CACNA1A: variants seen among roughly 807,000 people sequenced by gnomAD.
The protein encoded by CACNA1A is voltage-dependent P/Q-type calcium channel subunit alpha-1A.
CACNA1A carries 57 observed loss-of-function variants against 262.4 expected under a neutral mutation model. That is an observed-to-expected ratio of 0.22 (90% CI 0.18 to 0.27). The LOEUF (loss-of-function observed/expected upper bound fraction) is 0.27. Ranked by LOEUF, CACNA1A falls within the 10% of genes least tolerant of loss-of-function variation. CACNA1A has a pLI of 1.00. For missense variants in CACNA1A, 2,526 were observed against 3,562.8 expected (o/e 0.71, Z 7.41); for synonymous variants, 1,431 against 1,419.3 (o/e 1.01, Z -0.18).
At chr19:13,360,880 T>C (rs1360832304) in intron 5 of CACNA1A, among the ~76,000 whole-genome samples, 1 of 152,240 alleles carries the variant, frequency 6.6e-6, no homozygotes, top group African/African-American at 2.4e-5. Context: ...TTTTTGTTAC[T>C]GATTTCCAGC....
intron 1 of CACNA1A, among the ~76,000 whole-genome samples, chr19:13,468,133 A>G (rs990712946): frequency 1.3e-5 from 2 of 152,220 alleles, no homozygotes; most frequent in Non-Finnish European, 1.5e-5. Flanking sequence ...ATGAAAACAG[A>G]AAGAAAAAAC....
At chr19:13,410,408 T>C (rs1184215121) in intron 3 of CACNA1A, among the ~76,000 whole-genome samples, 1 of 152,040 alleles carries the variant, frequency 6.6e-6, no homozygotes, top group Non-Finnish European at 1.5e-5. Flanking sequence ...AAAAAAATTT[T>C]TTTTGTAGAG....
intron 6 of CACNA1A, among the ~76,000 whole-genome samples, chr19:13,356,369 C>T (rs2059007840): frequency 6.6e-6 from 1 of 152,134 alleles, no homozygotes; most frequent in Non-Finnish European, 1.5e-5. Context: ...CACAGAGAGG[C>T]CAAGCACCTT....
At chr19:13,351,811 TA>T (rs869102064) in intron 6 of CACNA1A, among the ~76,000 whole-genome samples, 1 of 149,284 alleles carries the variant, frequency 6.7e-6, no homozygotes, top group Non-Finnish European at 1.5e-5. Context: ...TCTGGCTAAT[TA>T]AAAAAAAAAA....
chr19:13,394,845 C>T (rs1037882493), intron 3 of CACNA1A, among the ~76,000 whole-genome samples: 1 of 152,190 alleles, frequency 6.6e-6, no homozygotes, highest in African/African-American at 2.4e-5. Flanking sequence ...GGGCTAGCCA[C>T]AAAAACTAGA....
chr19:13,339,876 A>G (rs1394117378), intron 6 of CACNA1A, among the ~76,000 whole-genome samples: 3 of 152,112 alleles, frequency 2.0e-5, no homozygotes, highest in Admixed American at 6.5e-5. Context: ...ACCAGCCCAC[A>G]TCCTTGTTTT....
At chr19:13,230,819 AAAAG>A (rs1007422637) in intron 35 of CACNA1A, among the ~76,000 whole-genome samples, 8 of 151,752 alleles carry the variant, frequency 5.3e-5, no homozygotes, top group East Asian at 1.9e-4. Flanking sequence ...AGAAAAAAAA[AAAAG>A]AGAGAGAGAG....
At chr19:13,350,811 G>A (rs556869823) in intron 6 of CACNA1A, among the ~76,000 whole-genome samples, 10 of 152,246 alleles carry the variant, frequency 6.6e-5, no homozygotes, top group Non-Finnish European at 8.8e-5. Context: ...CGAGGACAGC[G>A]TGGGCAATGT....
chr19:13,325,077 T>TTCTTCC lies in CACNA1A; in HGVS notation c.1345+5161_1345+5166dup, dbSNP rs1359211266. On this transcript the variant is annotated intron_variant, in intron 10 of 46. Coordinates refer to ENST00000360228, the MANE Select transcript of CACNA1A (RefSeq NM_001127222.2). ...CCCCTTCCCCTTCCTCCTCCTCTTC[T>TTCTTCC]TCTTCCCCTTCCCCTTCCTCCTCTT... Among the ~76,000 whole-genome samples, 995 of 123,472 alleles carry TTCTTCC rather than the reference T, an allele frequency of 8.1e-3. 2 individuals carry two copies. The highest frequency in any genetic ancestry group is 0.023 in the African/African-American group (768 of 32,964). 81.0% of individuals were successfully genotyped at this position (123,472 alleles called of 152,430 possible). A position where few individuals can be genotyped will look rare whatever the true frequency, so the allele number is the denominator to read the frequency against.
chr19:13,227,621 A>C (rs1326277215), intron 36 of CACNA1A, 94 bp from the exon 37 acceptor site: 1 of 506,488 alleles, frequency 2.0e-6, no homozygotes, highest in Non-Finnish European at 3.4e-6. Flanking sequence ...GTGGGGAGAA[A>C]CAGAAGAAAG....
In CACNA1A at chr19:13,452,915, T is replaced by C. The variant is rs755354093; in HGVS notation, c.500A>G (p.Asn167Ser). 1.2e-6 allele frequency: 2 copies of C among 1,613,910 alleles called. No individual in the cohort carries two copies. Among genetic ancestry groups the C allele is most frequent in the Non-Finnish European group, 1.7e-6 (2 of 1,179,804 alleles). Residue 167 changes from asparagine to serine, a missense_variant, in exon 3 of 47, where the codon AAT (asparagine) becomes AGT (serine). This residue lies in a region of CACNA1A where 77 missense variants were observed against 228.4 expected (regional missense o/e 0.34). Transcript: ENST00000360228. ...FAFHKGSYLR[N>S]GWNVMDFVVV... is the part of the protein sequence containing the mutation. ...CACAAAGTCCATGACATTCCAGCCA[T>C]TCCTCAAGTAGGAGCCTTTGTGGAA...
intron 6 of CACNA1A, among the ~76,000 whole-genome samples, chr19:13,341,001 G>T (rs1399463519): frequency 6.6e-6 from 1 of 152,200 alleles, no homozygotes; most frequent in Non-Finnish European, 1.5e-5. Context: ...GAGGCCAGGA[G>T]TTTGAGGCTG....
intron 3 of CACNA1A, among the ~76,000 whole-genome samples, chr19:13,437,691 C>CAAAAAAAAAAA (rs35266881): frequency 6.6e-4 from 43 of 64,818 alleles, no homozygotes; most frequent in Non-Finnish European, 9.6e-4. Flanking sequence ...AACCCCATCT[C>CAAAAAAAAAAA]AAAAAAAAAA....
In CACNA1A at chr19:13,236,271, C is replaced by T. The variant is rs2055870977; in HGVS notation, c.4951-541G>A. 1.3e-5 allele frequency among the ~76,000 whole-genome samples: 2 copies of T among 152,190 alleles called. No homozygotes were observed. The highest frequency in any genetic ancestry group is 2.1e-4 in the South Asian group (1 of 4,812). ...AGGCCTGGTGGACATGTGCGGGTTCCGAGGGCATGTTACGCTCCGGGCCAG... is the reference window on the plus strand; with the variant it reads ...AGGCCTGGTGGACATGTGCGGGTTCTGAGGGCATGTTACGCTCCGGGCCAG... On this transcript the variant is annotated intron_variant, in intron 31 of 46. Transcript: ENST00000360228. The surrounding 1 kb of genome is among the most constrained non-coding windows in gnomAD (Gnocchi z 4.6).
chr19:13,488,796 T>C (rs144891983), intron 1 of CACNA1A, among the ~76,000 whole-genome samples: 21 of 151,676 alleles, frequency 1.4e-4, no homozygotes, highest in Non-Finnish European at 2.5e-4. Context: ...AGGTCTGGGG[T>C]AGGGGATGAG....
chr19:13,371,458 TAG>T, intron 4 of CACNA1A: 1 of 533,136 alleles, frequency 1.9e-6, no homozygotes, highest in Non-Finnish European at 3.4e-6. Context: ...TGGCTCCCGA[TAG>T]ACAGTAGGTG....
intron 36 of CACNA1A, among the ~76,000 whole-genome samples, chr19:13,228,235 C>T (rs1257049430): frequency 6.6e-6 from 1 of 150,886 alleles, no homozygotes; most frequent in African/African-American, 2.4e-5. Flanking sequence ...AGTTGGGTCA[C>T]GTTCTCTGGT....
At chr19:13,368,858 G>A (rs1421981524) in intron 4 of CACNA1A, among the ~76,000 whole-genome samples, 1 of 137,544 alleles carries the variant, frequency 7.3e-6, no homozygotes, top group East Asian at 2.2e-4. Flanking sequence ...CTAACACGGT[G>A]AAACCCCGTC....
intron 3 of CACNA1A, among the ~76,000 whole-genome samples, chr19:13,410,595 G>C (rs1005504362): frequency 7.1e-6 from 1 of 141,550 alleles, no homozygotes; most frequent in Non-Finnish European, 1.5e-5. Context: ...TCCCCCACCA[G>C]CTAACACATG....
Sources: allele counts gnomAD v4.1 joint callset (sites outside exome capture counted in the v4.1 genomes callset), GRCh38; gene constraint gnomAD v4.1.1; regional missense constraint gnomAD v4.1.1; non-coding constraint Gnocchi (gnomAD v3.1); transcripts MANE v1.5; gene names NCBI Gene and HGNC (gene_info 2026-07-23, HGNC 2026-07-21).